MAML2: variants seen among roughly 807,000 people sequenced by gnomAD.
MAML2 encodes the protein mastermind-like protein 2.
In MAML2, 22 loss-of-function variants were observed where a neutral mutation model predicts 96.1. That is an observed-to-expected ratio of 0.23 (90% CI 0.16 to 0.33). MAML2 has a LOEUF of 0.33. Ranked by LOEUF, MAML2 falls within the 10% of genes least tolerant of loss-of-function variation. The pLI is 1.00. For missense variants in MAML2, 1,367 were observed against 1,392.4 expected (o/e 0.98, Z 0.29); for synonymous variants, 561 against 521.3 (o/e 1.08, Z -1.04).
At chr11:96,243,941 C>T (rs1862476595) in intron 1 of MAML2, among the ~76,000 whole-genome samples, 1 of 152,156 alleles carries the variant, frequency 6.6e-6, no homozygotes, top group Non-Finnish European at 1.5e-5. Flanking sequence ...GCGCCCGGCC[C>T]AGTCATCCTT....
At position 96,342,263 on chromosome 11, in the gene MAML2, C is replaced by G. The variant is rs780539649; in HGVS notation, c.-368G>C. 7 of 435,506 alleles carry G rather than the reference C, an allele frequency of 1.6e-5. No individual in the cohort carries two copies. The highest frequency in any genetic ancestry group is 2.8e-5 in the Non-Finnish European group (7 of 246,840). 27.0% of individuals were successfully genotyped at this position (435,506 alleles called of 1,614,324 possible). A position where few individuals can be genotyped will look rare whatever the true frequency, so the allele number is the denominator to read the frequency against. On this transcript the variant is annotated 5_prime_UTR_variant, in exon 1 of 5. Coordinates refer to ENST00000524717, the MANE Select transcript of MAML2 (RefSeq NM_032427.4). ...TAAACACACGATCTGGGGGTTAGAT[C>G]AAGAATTCAGGGATTGTCCAGCAAG...
chr11:96,305,590 T>C (rs975007191), intron 1 of MAML2, among the ~76,000 whole-genome samples: 4 of 152,224 alleles, frequency 2.6e-5, no homozygotes, highest in African/African-American at 9.6e-5. Context: ...GAAACTGTAC[T>C]ATATGAAAAA....
intron 2 of MAML2, among the ~76,000 whole-genome samples, chr11:96,036,893 C>T (rs767950982): frequency 3.9e-5 from 6 of 152,164 alleles, no homozygotes; most frequent in Admixed American, 1.3e-4. Context: ...TGGGTTTTCT[C>T]CCTATAGTCT....
intron 1 of MAML2, among the ~76,000 whole-genome samples, chr11:96,156,071 G>T (rs956952589): frequency 6.6e-6 from 1 of 152,142 alleles, no homozygotes. Context: ...TTGGCCCTCT[G>T]CCTGTCTGCA....
intron 2 of MAML2, 75 bp from the exon 3 acceptor site, chr11:95,991,798 T>G (rs1056942703): frequency 1.4e-5 from 16 of 1,108,336 alleles, no homozygotes; most frequent in South Asian, 4.0e-5. Context: ...GATCATACAC[T>G]CAGATTCCAA....
chr11:96,263,881 A>G (rs891266107), intron 1 of MAML2, among the ~76,000 whole-genome samples: 6 of 152,252 alleles, frequency 3.9e-5, no homozygotes, highest in Non-Finnish European at 8.8e-5. Context: ...GCATGTCACC[A>G]TCTTCCTGGG....
At chr11:96,097,399 C>G (rs1344035848) in intron 1 of MAML2, among the ~76,000 whole-genome samples, 1 of 151,994 alleles carries the variant, frequency 6.6e-6, no homozygotes. Flanking sequence ...CACTGTGGAC[C>G]TTTTGGGTGG....
chr11:96,147,428 G>C (rs1591039269), intron 1 of MAML2, among the ~76,000 whole-genome samples: 1 of 152,112 alleles, frequency 6.6e-6, no homozygotes, highest in South Asian at 2.1e-4. Context: ...CTTAGGAAAT[G>C]ATTCATGAAT....
intron 1 of MAML2, among the ~76,000 whole-genome samples, chr11:96,257,245 T>A (rs1163150884): frequency 6.6e-6 from 1 of 152,212 alleles, no homozygotes; most frequent in Non-Finnish European, 1.5e-5. Flanking sequence ...CTGGTTTGCA[T>A]CATCTTTTTA....
chr11:96,015,604 G>A (rs1858337169), intron 2 of MAML2, among the ~76,000 whole-genome samples: 1 of 133,858 alleles, frequency 7.5e-6, no homozygotes, highest in African/African-American at 2.7e-5. Flanking sequence ...GGCAATTCAT[G>A]AAGACATATT....
At chr11:96,111,625 G>A (rs1355902039) in intron 1 of MAML2, among the ~76,000 whole-genome samples, 1 of 152,230 alleles carries the variant, frequency 6.6e-6, no homozygotes, top group African/African-American at 2.4e-5. Flanking sequence ...ATGTGAATGT[G>A]AGGTTTTTAA....
At chr11:96,078,766 G>A (rs573095840) in intron 2 of MAML2, among the ~76,000 whole-genome samples, 47 of 152,330 alleles carry the variant, frequency 3.1e-4, no homozygotes, top group African/African-American at 1.1e-3. Flanking sequence ...TACTGTTGGT[G>A]CTTGCACATG....
intron 2 of MAML2, among the ~76,000 whole-genome samples, chr11:96,007,287 A>AG (rs202123970): frequency 0.23 from 35,624 of 151,722 alleles, 4,482 homozygotes; most frequent in East Asian, 0.38. Context: ...CTGGGATTAC[A>AG]GGCGTGAGCC....
At chr11:95,998,279 G>A (rs1858029417) in intron 2 of MAML2, among the ~76,000 whole-genome samples, 1 of 151,836 alleles carries the variant, frequency 6.6e-6, no homozygotes, top group Non-Finnish European at 1.5e-5. Flanking sequence ...CACATCCCTA[G>A]CAAATGATCA....
intron 1 of MAML2, among the ~76,000 whole-genome samples, chr11:96,305,282 A>C (rs1248305471): frequency 6.6e-6 from 1 of 152,218 alleles, no homozygotes; most frequent in Non-Finnish European, 1.5e-5. Context: ...AAAGATGTAC[A>C]TTATTATATA....
At chr11:96,113,624 GA>G (rs1330279632) in intron 1 of MAML2, among the ~76,000 whole-genome samples, 3 of 140,766 alleles carry the variant, frequency 2.1e-5, no homozygotes, top group East Asian at 2.1e-4. Context: ...AAAAAGAAAA[GA>G]AAAAAAAGAG....
Position 96,092,776 on chromosome 11 carries a change from C to T in MAML2, c.1255G>A (p.Gly419Arg), listed in dbSNP as rs539363650. 3.2e-5 allele frequency: 52 copies of T among 1,612,922 alleles called. No homozygotes were observed. Among genetic ancestry groups the T allele is most frequent in the East Asian group, 2.9e-4 (13 of 44,848 alleles). Residue 419 changes from glycine to arginine, a missense_variant, in exon 2 of 5, where the codon GGA (glycine) becomes AGA (arginine). Coordinates refer to ENST00000524717, the MANE Select transcript of MAML2 (RefSeq NM_032427.4). The surrounding 1 kb of genome is among the most constrained non-coding windows in gnomAD (Gnocchi z 4.1). Reference sequence around the variant, plus strand: ...CAGCTTGGCAAGGCCCGGCTTGCTCCGGAGCCTGTCTGAGGCTGAGCCTGG... The same window carrying T: ...CAGCTTGGCAAGGCCCGGCTTGCTCTGGAGCCTGTCTGAGGCTGAGCCTGG... ...QSQAQPQTGS[G>R]ASRALPSWQE...
chr11:96,126,481 G>T (rs1213373916), intron 1 of MAML2, among the ~76,000 whole-genome samples: 1 of 152,128 alleles, frequency 6.6e-6, no homozygotes, highest in Non-Finnish European at 1.5e-5. Flanking sequence ...AGAATCACTT[G>T]AACCCAGGAG....
At chr11:96,005,046 G>A (rs1456889965) in intron 2 of MAML2, among the ~76,000 whole-genome samples, 2 of 152,182 alleles carry the variant, frequency 1.3e-5, no homozygotes, top group East Asian at 1.9e-4. Context: ...ATGCCATGAT[G>A]AGAAGGCACC....
Sources: allele counts gnomAD v4.1 joint callset (sites outside exome capture counted in the v4.1 genomes callset), GRCh38; gene constraint gnomAD v4.1.1; non-coding constraint Gnocchi (gnomAD v3.1); transcripts MANE v1.5; gene names NCBI Gene and HGNC (gene_info 2026-07-23, HGNC 2026-07-21).